The following MAN2A1 variants were observed in gnomAD, a reference collection of about 807,000 sequenced individuals.
The protein encoded by MAN2A1 is mannosidase alpha class 2A member 1.
Under a neutral mutation model 142.6 loss-of-function variants are expected in MAN2A1, and 76 were observed. The observed-to-expected ratio is 0.53, with a 90% CI of 0.44 to 0.65. MAN2A1 has a LOEUF of 0.65. Among genes scored for constraint, MAN2A1 ranks in the 30% least tolerant of loss-of-function variants. The probability of loss-of-function intolerance (pLI) is 0.00; values close to 1 mark genes in which losing one functional copy is unlikely to be tolerated. For missense variants in MAN2A1, 1,311 were observed against 1,365.1 expected (o/e 0.96, Z 0.62); for synonymous variants, 559 against 473.2 (o/e 1.18, Z -2.35).
chr5:109,817,423 A>G lies in MAN2A1; in HGVS notation c.2094A>G (p.Ser698=), dbSNP rs1300652393. 2.5e-6 allele frequency: 4 copies of G among 1,613,918 alleles called. No homozygotes were observed. The East Asian group carries it at 8.9e-5, about 36-fold the overall frequency. The part of the protein sequence containing the change: ...SAVWDTANTI[S]ETAYEISFRA... ...TTTGGGATACAGCAAATACTATTTC[A>G]GAAACAGCCTATGAGGTATGTTGTA... The change falls in exon 13 of 22, where the codon TCA becomes TCG. Residue 698 remains serine (S), a synonymous_variant. Coordinates refer to ENST00000261483, the MANE Select transcript of MAN2A1 (RefSeq NM_002372.4).
chr5:109,823,441 A>C (rs569034358), intron 15 of MAN2A1, among the ~76,000 whole-genome samples: 1 of 152,332 alleles, frequency 6.6e-6, no homozygotes, highest in Non-Finnish European at 1.5e-5. Flanking sequence ...ATATGGACAA[A>C]TAGAAGGATT....
intron 1 of MAN2A1, among the ~76,000 whole-genome samples, chr5:109,698,112 G>T (rs1035840139): frequency 4.6e-5 from 7 of 152,212 alleles, no homozygotes; most frequent in Non-Finnish European, 7.3e-5. Context: ...TGGATCTGCT[G>T]TAATTCACAG....
intron 20 of MAN2A1, chr5:109,862,706 G>GA (rs1284524066): frequency 6.6e-6 from 1 of 152,094 alleles, no homozygotes; most frequent in Non-Finnish European, 1.5e-5. Flanking sequence ...AGTTTTCTTG[G>GA]AAATAAAATG....
intron 12 of MAN2A1, among the ~76,000 whole-genome samples, chr5:109,791,321 C>A (rs56136506): frequency 0.13 from 20,140 of 151,858 alleles, 1,757 homozygotes; most frequent in African/African-American, 0.25. Context: ...TTTAAAATCT[C>A]TATTTTACTT....
At chr5:109,694,701 C>T (rs776535717) in intron 1 of MAN2A1, among the ~76,000 whole-genome samples, 62 of 151,580 alleles carry the variant, frequency 4.1e-4, no homozygotes, top group Non-Finnish European at 7.4e-4. Context: ...CAGAAATGTG[C>T]TTACATACTT....
At chr5:109,853,853 AC>A (rs1334772922) in intron 19 of MAN2A1, 1 of 152,168 alleles carries the variant, frequency 6.6e-6, no homozygotes, top group Non-Finnish European at 1.5e-5. Flanking sequence ...TTCTTTTAAT[AC>A]AATTCATTCA....
rs757662165 is a variant in MAN2A1, at chr5:109,842,365, G to A, written c.2604G>A (p.Val868=). 74 of 1,587,958 alleles carry A rather than the reference G, an allele frequency of 4.7e-5. No homozygotes were observed. In the South Asian group the frequency reaches 7.8e-4, roughly 17 times the overall value. The change falls in exon 17 of 22, where the codon GTG becomes GTA. Residue 868 remains valine, a synonymous_variant. Coordinates refer to ENST00000261483, the MANE Select transcript of MAN2A1 (RefSeq NM_002372.4). ...AGTCTGTGGAAGTTTCCAATATTGT[G>A]GACATCCGAAAAGTATATAACCGTG... The part of the protein sequence containing the change: ...EGQSVEVSNI[V]DIRKVYNREI...
chr5:109,847,632 G>T, intron 18 of MAN2A1, 25 bp from the exon 19 acceptor site: 1 of 1,477,086 alleles, frequency 6.8e-7, no homozygotes, highest in Non-Finnish European at 9.0e-7. Flanking sequence ...GGTCAGTTTT[G>T]CTTGTTTGTT....
chr5:109,830,383 C>T (rs1754876267), intron 16 of MAN2A1, among the ~76,000 whole-genome samples: 1 of 152,148 alleles, frequency 6.6e-6, no homozygotes, highest in African/African-American at 2.4e-5. Context: ...AGTCTTCATA[C>T]AACTTAGTTT....
At chr5:109,824,758 G>T (rs1754714086) in intron 16 of MAN2A1, among the ~76,000 whole-genome samples, 1 of 151,996 alleles carries the variant, frequency 6.6e-6, no homozygotes, top group Non-Finnish European at 1.5e-5. Context: ...GAAAGCAAAG[G>T]GATACTATGT....
chr5:109,803,328 G>A (rs952051096), intron 12 of MAN2A1, among the ~76,000 whole-genome samples: 1 of 151,984 alleles, frequency 6.6e-6, no homozygotes, highest in Non-Finnish European at 1.5e-5. Context: ...GTTAGTCTGT[G>A]TTTTAATTGA....
At position 109,868,492 on chromosome 5, in the gene MAN2A1, C is replaced by G. The variant is rs1222674101; in HGVS notation, c.*1494C>G. On this transcript the variant is annotated 3_prime_UTR_variant, in exon 22 of 22. Coordinates refer to ENST00000261483, the MANE Select transcript of MAN2A1 (RefSeq NM_002372.4). ...AATTGATTTCATATTCTGTGGCTTT[C>G]AACCTCCATTTACCTCTTGTCATTC... is the stretch of plus-strand genomic sequence containing the variant. 1 of 152,244 alleles carries G rather than the reference C, an allele frequency of 6.6e-6. No homozygotes were observed. The highest frequency in any genetic ancestry group is 1.9e-4 in the East Asian group (1 of 5,182). The allele number at this position is 152,244 out of a possible 1,614,324, so 9.4% of individuals were successfully genotyped here.
chr5:109,833,517 A>T (rs1754982454), intron 16 of MAN2A1, among the ~76,000 whole-genome samples: 1 of 152,096 alleles, frequency 6.6e-6, no homozygotes, highest in African/African-American at 2.4e-5. Flanking sequence ...AAAAAATCCG[A>T]AAACCAGTCA....
chr5:109,735,972 G>C (rs369423428), intron 4 of MAN2A1, among the ~76,000 whole-genome samples: 91 of 144,124 alleles, frequency 6.3e-4, no homozygotes, highest in African/African-American at 2.2e-3. Flanking sequence ...TACCAGTACT[G>C]GGATTAATTA....
At chr5:109,808,423 T>G (rs1754228973) in intron 12 of MAN2A1, among the ~76,000 whole-genome samples, 1 of 152,112 alleles carries the variant, frequency 6.6e-6, no homozygotes, top group African/African-American at 2.4e-5. Flanking sequence ...TATATTTCAC[T>G]GCTTATTCTT....
At chr5:109,853,429 C>G (rs1368357) in intron 19 of MAN2A1, among the ~76,000 whole-genome samples, 1 of 151,902 alleles carries the variant, frequency 6.6e-6, no homozygotes, top group Non-Finnish European at 1.5e-5. Context: ...GAAACACCAA[C>G]GGTTAGGAAG....
intron 4 of MAN2A1, among the ~76,000 whole-genome samples, chr5:109,735,776 C>T (rs1047301322): frequency 2.6e-5 from 4 of 151,426 alleles, no homozygotes; most frequent in Non-Finnish European, 4.4e-5. Flanking sequence ...TTAAATTCTT[C>T]GTACTCCATC....
intron 16 of MAN2A1, among the ~76,000 whole-genome samples, chr5:109,834,716 A>G (rs906506812): frequency 6.6e-6 from 1 of 152,218 alleles, no homozygotes; most frequent in African/African-American, 2.4e-5. Context: ...ACAAAGCAGT[A>G]TATCATCATT....
At chr5:109,700,251 A>G (rs1582799682) in intron 1 of MAN2A1, among the ~76,000 whole-genome samples, 1 of 148,026 alleles carries the variant, frequency 6.8e-6, no homozygotes, top group African/African-American at 2.5e-5. Context: ...CCTTGTGCCT[A>G]CTCAGGATTG....
Sources: allele counts gnomAD v4.1 joint callset (sites outside exome capture counted in the v4.1 genomes callset), GRCh38; gene constraint gnomAD v4.1.1; transcripts MANE v1.5; gene names NCBI Gene and HGNC (gene_info 2026-07-23, HGNC 2026-07-21).